GTPBP6: variants seen among roughly 807,000 people sequenced by gnomAD.
GTPBP6 encodes putative GTP-binding protein 6.
A neutral mutation model predicts 28.9 loss-of-function variants in GTPBP6; 33 were observed. That is an observed-to-expected ratio of 1.14 (90% CI 0.87 to 1.53). GTPBP6 has a LOEUF of 1.53. GTPBP6 is among the 40% of genes most tolerant of loss of function. GTPBP6 has a pLI of 0.00. For missense variants in GTPBP6, 507 were observed against 408.3 expected, an observed-to-expected ratio of 1.24 and a Z score of -2.08; for synonymous variants, 231 against 192.7, an observed-to-expected ratio of 1.20 and a Z score of -1.65.
chrX:305,334 T>TG, intron 9 of GTPBP6, 137 bp from the exon 10 acceptor site: 1 of 735,510 alleles, frequency 1.4e-6, no homozygotes, highest in Non-Finnish European at 2.2e-6. Context: ...GTTTTTTTTT[T>TG]TTTTTGAGAC....
chrX:314,892 G>C, exon 4 of GTPBP6: 2 of 398,876 alleles, frequency 5.0e-6, no homozygotes, highest in Non-Finnish European at 8.8e-6. Flanking sequence ...CACGATACCT[G>C]TGCAGCGGCA....
chrX:314,407 A>C (rs999358923), intron 4 of GTPBP6, among the ~76,000 whole-genome samples, 190 bp from the exon 5 acceptor site: 24 of 151,364 alleles, frequency 1.6e-4, no homozygotes, highest in African/African-American at 5.6e-4. Context: ...GGACCTGCCT[A>C]GTGGGGAGCC....
chrX:315,813 GAC>G (rs1170984270), intron 2 of GTPBP6, among the ~76,000 whole-genome samples: 32 of 1,106 alleles, frequency 0.029, 7 homozygotes, highest in East Asian at 0.11. Context: ...TACACACGCA[GAC>G]ACACACACAC....
At chrX:309,976 G>A (rs1259422004) in intron 7 of GTPBP6, among the ~76,000 whole-genome samples, 4 of 143,518 alleles carry the variant, frequency 2.8e-5, no homozygotes, top group African/African-American at 8.4e-5. Context: ...GCCACAGACA[G>A]AGGCAGAGAC....
In GTPBP6 at chrX:311,153, C is replaced by T. The variant is rs759790322; in HGVS notation, c.1125+266G>A. On this transcript the variant is annotated intron_variant, in intron 7 of 9. Coordinates refer to ENST00000326153, the Ensembl canonical transcript of GTPBP6. Reference sequence around the variant, plus strand: ...AGGCTTGGGGGACACTAAGTCTGAGCCCCAGGAGGCAGTTGTTGTTCCGGC... The same window carrying T: ...AGGCTTGGGGGACACTAAGTCTGAGTCCCAGGAGGCAGTTGTTGTTCCGGC... Among the ~76,000 whole-genome samples the T allele has an allele frequency of 4.0e-5, 4 of 99,912 alleles. No individual in the cohort carries two copies. In the South Asian group the frequency reaches 1.5e-3, roughly 38 times the overall value. The allele number at this position is 99,912 out of a possible 152,430, so 65.5% of individuals were successfully genotyped here.
chrX:304,861 G>C (rs1389349981), exon 10 of GTPBP6: 13 of 1,432,208 alleles, frequency 9.1e-6, no homozygotes, highest in African/African-American at 1.4e-5. Flanking sequence ...CTCAGGCTTG[G>C]AGTGGACGCT....
At chrX:316,771 C>T in intron 2 of GTPBP6, 143 bp downstream of exon 2, 1 of 398,106 alleles carries the variant, frequency 2.5e-6, no homozygotes, top group Non-Finnish European at 4.4e-6. Context: ...GCGTGTGCTC[C>T]CAGCTCACCT....
rs1331704669 is a variant in GTPBP6, at chrX:311,777, C to T, written c.917-150G>A. 3 of 671,070 alleles carry T rather than the reference C, an allele frequency of 4.5e-6. No individual in the cohort carries two copies. In the South Asian group the frequency reaches 5.2e-5, roughly 12 times the overall value. The allele number at this position is 671,070 out of a possible 1,614,324, so 41.6% of individuals were successfully genotyped here. The stretch of plus-strand genomic sequence containing the variant: ...CCCTGAGCTCCTCGGGCACCCCGGG[C>T]CAGACCCGACGCGTGGGACAAAGCC... On this transcript the variant is annotated intron_variant, in intron 6 of 9. Coordinates refer to ENST00000326153, the Ensembl canonical transcript of GTPBP6.
chrX:305,632 A>ATT (rs61699986), intron 9 of GTPBP6, among the ~76,000 whole-genome samples: 1,752 of 122,470 alleles, frequency 0.014, 92 homozygotes, highest in African/African-American at 0.048. Flanking sequence ...TTTATTTTTT[A>ATT]TTTTTTTTTT....
chrX:317,657 AC>A (rs1245482512), intron 1 of GTPBP6, among the ~76,000 whole-genome samples: 1 of 149,964 alleles, frequency 6.7e-6, no homozygotes, highest in Non-Finnish European at 1.5e-5. Flanking sequence ...AGCAAGAGAA[AC>A]GTAGGTCCCA....
exon 4 of GTPBP6, chrX:314,953 C>T (rs1227016538): frequency 4.0e-5 from 16 of 398,612 alleles, no homozygotes; most frequent in South Asian, 2.5e-4. Flanking sequence ...GGCGTTACAG[C>T]GGAAGATGTG....
intron 2 of GTPBP6, among the ~76,000 whole-genome samples, chrX:316,616 G>A (rs1197752453): frequency 1.6e-4 from 25 of 152,322 alleles, no homozygotes; most frequent in Admixed American, 1.3e-3. Context: ...TGCAGGGGCA[G>A]GTGGGGTTAC....
Position 310,818 on chromosome X carries a change from C to A in GTPBP6, c.1125+601G>T, listed in dbSNP as rs770712000. Reference sequence around the variant, plus strand: ...TGGTTTCTGGCCCCCATTTGTGGCCCCTTTTGCAGTGACAGCCTCAGGACC... The same window carrying A: ...TGGTTTCTGGCCCCCATTTGTGGCCACTTTTGCAGTGACAGCCTCAGGACC... On this transcript the variant is annotated intron_variant, in intron 7 of 9. Coordinates refer to ENST00000326153, the Ensembl canonical transcript of GTPBP6. 4.5e-3 allele frequency among the ~76,000 whole-genome samples: 686 copies of A among 151,810 alleles called. 6 individuals carry two copies. The highest frequency in any genetic ancestry group is 0.015 in the African/African-American group (638 of 41,382).
At chrX:312,767 G>A (rs749833626) in exon 6 of GTPBP6, 34 of 1,610,398 alleles carry the variant, frequency 2.1e-5, no homozygotes, top group Non-Finnish European at 2.5e-5. Flanking sequence ...CGTGCTCACC[G>A]CAGTTGGTGT....
chrX:316,740 AC>A (rs1400101033), intron 2 of GTPBP6, among the ~76,000 whole-genome samples, 173 bp downstream of exon 2: 1 of 151,944 alleles, frequency 6.6e-6, no homozygotes, highest in Non-Finnish European at 1.5e-5. Context: ...ATAAAGCCTC[AC>A]CGTCCTCCGA....
intron 4 of GTPBP6, 108 bp from the exon 5 acceptor site, chrX:314,325 G>T (rs2070383527): frequency 5.5e-6 from 5 of 912,840 alleles, no homozygotes; most frequent in Non-Finnish European, 9.0e-6. Context: ...GGGCCGAAGG[G>T]AGGAGCCGCT....
intron 1 of GTPBP6, among the ~76,000 whole-genome samples, chrX:317,700 C>CACCCA (rs1450514133): frequency 7.7e-4 from 13 of 16,882 alleles, no homozygotes; most frequent in African/African-American, 2.6e-3. Flanking sequence ...CACCCAACCC[C>CACCCA]ACCCCACCCC....
At chrX:316,423 C>G (rs1270611741) in intron 2 of GTPBP6, among the ~76,000 whole-genome samples, 25 of 152,088 alleles carry the variant, frequency 1.6e-4, no homozygotes, top group African/African-American at 6.0e-4. Context: ...AAAGCTGACC[C>G]CCACCTGGGC....
intron 6 of GTPBP6, 45 bp from the exon 7 acceptor site, chrX:311,672 C>T (rs775981280): frequency 2.1e-5 from 31 of 1,475,842 alleles, no homozygotes; most frequent in Admixed American, 1.0e-4. Context: ...TCCCTGCGTC[C>T]CAACTCCTAG....
Sources: gnomAD v4.1 joint callset for allele counts (sites outside exome capture counted in the v4.1 genomes callset) on GRCh38, gnomAD v4.1.1 for gene constraint, MANE v1.5 for transcripts, NCBI Gene and HGNC (gene_info 2026-07-23, HGNC 2026-07-21) for gene names.